Variants in IGHMBP2 observed in about 807,000 individuals in gnomAD.
IGHMBP2 encodes the protein DNA-binding protein SMUBP-2.
A neutral mutation model predicts 96.0 loss-of-function variants in IGHMBP2; 81 were observed. That is an observed-to-expected ratio of 0.84 (90% CI 0.71 to 1.01). IGHMBP2 has a LOEUF of 1.01. IGHMBP2 is among the 50% of genes least tolerant of loss of function. The pLI is 0.00. For synonymous variants in IGHMBP2, 557 were observed against 548.9 expected (o/e 1.01, Z -0.21); for missense variants, 1,227 against 1,306.3 (o/e 0.94, Z 0.94).
At chr11:68,910,498 G>A (rs1218677795) in intron 4 of IGHMBP2, among the ~76,000 whole-genome samples, 2 of 152,174 alleles carry the variant, frequency 1.3e-5, no homozygotes, top group Non-Finnish European at 2.9e-5. Context: ...CTCCTTATCC[G>A]ATAGGCGTCT....
At position 68,935,436 on chromosome 11, in the gene IGHMBP2, G is replaced by A. The variant is rs1859488589; in HGVS notation, c.1756+14G>A. ...CCAACAGGAAAGGTACGGAGCCCTC[G>A]CCAGAGTCCTTTGGGGACAGCACAG... On this transcript the variant is annotated intron_variant, in intron 12 of 14. Transcript: ENST00000255078. 3.1e-6 allele frequency: 5 copies of A among 1,613,788 alleles called. No homozygotes were observed. The highest frequency in any genetic ancestry group is 2.7e-5 in the African/African-American group (2 of 75,070).
intron 2 of IGHMBP2, among the ~76,000 whole-genome samples, chr11:68,907,816 A>C (rs931258600): frequency 6.6e-6 from 1 of 151,798 alleles, no homozygotes; most frequent in Non-Finnish European, 1.5e-5. Flanking sequence ...CAGCCTCCCG[A>C]GTAGCTGGGA....
chr11:68,906,233 C>T lies in IGHMBP2; in HGVS notation c.251C>T (p.Thr84Ile), dbSNP rs549801214. 6.2e-7 allele frequency: 1 copy of T among 1,614,038 alleles called. No individual in the cohort carries two copies. The highest frequency in any genetic ancestry group is 1.1e-5 in the South Asian group (1 of 91,084). ...GCAGCTCTTCCCAGTAACAGCTTTA[C>T]TTCTGGTGTGTGCGTATTGACCTAG... ...SAAALPSNSF[T>I]SGDIVGLYDA... Residue 84 changes from threonine (T) to isoleucine (I), a missense_variant, in exon 2 of 15, where the codon ACT becomes ATT. This residue lies in a region of IGHMBP2 where 507 missense variants were observed against 496.9 expected (regional missense o/e 1.02). Transcript: ENST00000255078.
chr11:68,921,666 A>C (rs1858882353), intron 7 of IGHMBP2, among the ~76,000 whole-genome samples: 1 of 152,232 alleles, frequency 6.6e-6, no homozygotes, highest in Admixed American at 6.5e-5. Context: ...AGATCTAAAT[A>C]ATAAGAAAAA....
At chr11:68,930,044 C>G (rs1162246193) in intron 8 of IGHMBP2, 2 of 1,135,648 alleles carry the variant, frequency 1.8e-6, no homozygotes, top group African/African-American at 3.3e-5. Context: ...TCGCTGGCCC[C>G]TCTGCCTGGA....
intron 1 of IGHMBP2, among the ~76,000 whole-genome samples, chr11:68,904,720 CACTT>C (rs1312677448): frequency 2.6e-5 from 4 of 152,074 alleles, no homozygotes; most frequent in Non-Finnish European, 5.9e-5. Context: ...TCAGAGCTAA[CACTT>C]ACGTACTTTC....
intron 5 of IGHMBP2, among the ~76,000 whole-genome samples, chr11:68,912,858 G>A (rs1199093202): frequency 2.0e-5 from 3 of 151,262 alleles, no homozygotes; most frequent in African/African-American, 7.3e-5. Context: ...TGGCTAACAT[G>A]GTGAAACCCC....
rs180800853 is a variant in IGHMBP2, at chr11:68,911,666, G to T, written c.711+63G>T. 6 of 1,497,210 alleles carry T rather than the reference G, an allele frequency of 4.0e-6. No homozygotes were observed. In the Admixed American group the frequency reaches 1.0e-4, roughly 25 times the overall value. The allele number at this position is 1,497,210 out of a possible 1,614,324, so 92.7% of individuals were successfully genotyped here. On this transcript the variant is annotated intron_variant, in intron 5 of 14. Transcript: ENST00000255078. ...CGCTCCTGGTCTGTTGTGTTCAGTG[G>T]GTGCTCAGCGACCTTTCAGCCTCAG...
chr11:68,936,419 G>T lies in IGHMBP2; in HGVS notation c.1939G>T (p.Val647Phe), dbSNP rs77822399. 1 of 1,614,134 alleles carries T rather than the reference G, an allele frequency of 6.2e-7. No individual in the cohort carries two copies. The highest frequency in any genetic ancestry group is 8.5e-7 in the Non-Finnish European group (1 of 1,180,028). The change falls in exon 13 of 15, where the codon GTC (valine) becomes TTC (phenylalanine). Residue 647 changes from valine to phenylalanine, a missense_variant. Transcript: ENST00000255078. ...GGCCTTTGAGTATCTTGACGATATT[G>T]TCCCAGAAAACTATTCCCATGAGAA... ...RTAFEYLDDI[V>F]PENYSHENSQ...
chr11:68,904,117 C>G (rs950639110), intron 1 of IGHMBP2, 79 bp downstream of exon 1: 1 of 1,215,766 alleles, frequency 8.2e-7, no homozygotes, highest in African/African-American at 1.5e-5. Flanking sequence ...GGCTCGGCCT[C>G]ATAGTCTGGG....
In IGHMBP2 at chr11:68,939,868, A is replaced by G; in HGVS notation, c.*137A>G. On this transcript the variant is annotated 3_prime_UTR_variant, in exon 15 of 15. Transcript: ENST00000255078. Reference sequence around the variant, plus strand: ...GAGGAGCGGAGGGCCCTGTTGGGGAAGGTTGGGTTTTTGGACCCCAGGGAT... The same window carrying G: ...GAGGAGCGGAGGGCCCTGTTGGGGAGGGTTGGGTTTTTGGACCCCAGGGAT... 1.0e-6 allele frequency: 1 copy of G among 965,984 alleles called. No homozygotes were observed. Among genetic ancestry groups the G allele is most frequent in the East Asian group, 2.6e-5 (1 of 37,802 alleles). The allele number at this position is 965,984 out of a possible 1,614,324, so 59.8% of individuals were successfully genotyped here. A position where few individuals can be genotyped will look rare whatever the true frequency, so the allele number is the denominator to read the frequency against.
chr11:68,929,286 C>T lies in IGHMBP2; in HGVS notation c.1164C>T (p.Pro388=), dbSNP rs1346976621. Residue 388 remains proline (P), a synonymous_variant, in exon 8 of 15, where the codon CCC becomes CCT. Transcript: ENST00000255078. ...CCCTCGAGGCGAGCTGCTGGATCCC[C>T]CTGCTGAAGGCCAGAAAGTGCATCC... The part of the protein sequence containing the change: ...AQALEASCWI[P]LLKARKCILA... The T allele has an allele frequency of 6.2e-7, 1 of 1,613,850 alleles. No individual in the cohort carries two copies. The highest frequency in any genetic ancestry group is 8.5e-7 in the Non-Finnish European group (1 of 1,180,028).
At chr11:68,918,988 C>T (rs957288980) in intron 7 of IGHMBP2, among the ~76,000 whole-genome samples, 8 of 152,148 alleles carry the variant, frequency 5.3e-5, no homozygotes, top group East Asian at 1.9e-4. Flanking sequence ...TTTTCTGATA[C>T]GAGCATTTAG....
intron 5 of IGHMBP2, among the ~76,000 whole-genome samples, chr11:68,913,598 C>T (rs1048516704): frequency 7.2e-5 from 11 of 151,736 alleles, no homozygotes; most frequent in Admixed American, 4.6e-4. Flanking sequence ...CATGAGCCAC[C>T]GTACTTGGCC....
chr11:68,933,988 A>ATTT, intron 10 of IGHMBP2, 75 bp downstream of exon 10: 3 of 1,054,374 alleles, frequency 2.8e-6, no homozygotes, highest in African/African-American at 1.6e-5. Context: ...AGGCACTTTA[A>ATTT]TTGCCTAATT....
Position 68,906,432 on chromosome 11 carries a change from A to G in IGHMBP2, c.256+194A>G, listed in dbSNP as rs1049903822. 8.8e-5 allele frequency: 57 copies of G among 648,922 alleles called. No individual in the cohort carries two copies. The African/African-American group carries it at 1.0e-3, about 11-fold the overall frequency. 40.2% of individuals were successfully genotyped at this position (648,922 alleles called of 1,614,324 possible). On this transcript the variant is annotated intron_variant, in intron 2 of 14. Transcript: ENST00000255078. ...AGCGTTGTCCAAAATGGTAGCCATT[A>G]GCCATGCGTGGTCATCAAATGTTTG... is the stretch of plus-strand genomic sequence containing the variant.
chr11:68,921,680 CT>C (rs1474835381), intron 7 of IGHMBP2, among the ~76,000 whole-genome samples: 1 of 152,110 alleles, frequency 6.6e-6, no homozygotes. Context: ...AGAAAAATGT[CT>C]TCGTATTTGC....
chr11:68,903,985 C>T lies in IGHMBP2; in HGVS notation c.33C>T (p.Thr11=). The T allele has an allele frequency of 6.4e-7, 1 of 1,553,946 alleles. No individual in the cohort carries two copies. Among genetic ancestry groups the T allele is most frequent in the South Asian group, 1.2e-5 (1 of 84,906 alleles). The change falls in exon 1 of 15, where the codon ACC becomes ACT. Residue 11 remains threonine (T), a synonymous_variant. Transcript: ENST00000255078. MASAAVESFV[T]KQLDLLELER... ...CGGCAGCTGTGGAGAGCTTCGTGAC[C>T]AAGCAACTGGACCTGCTGGAGCTTG...
intron 13 of IGHMBP2, among the ~76,000 whole-genome samples, 167 bp downstream of exon 13, chr11:68,937,258 G>C (rs1187773965): frequency 6.6e-6 from 1 of 152,154 alleles, no homozygotes; most frequent in Non-Finnish European, 1.5e-5. Flanking sequence ...CTCCGTCTGG[G>C]CTCCCCTAGG....
Sources: gnomAD v4.1 joint callset for allele counts (sites outside exome capture counted in the v4.1 genomes callset) on GRCh38, gnomAD v4.1.1 for gene constraint, gnomAD v4.1.1 regional missense constraint, MANE v1.5 for transcripts, NCBI Gene and HGNC (gene_info 2026-07-23, HGNC 2026-07-21) for gene names.